The following SCN7A variants were observed in gnomAD, a reference collection of about 807,000 sequenced individuals.
The protein encoded by SCN7A is sodium voltage-gated channel alpha subunit 7.
A neutral mutation model predicts 155.2 loss-of-function variants in SCN7A; 138 were observed. The observed-to-expected ratio is 0.89, with a 90% confidence interval of 0.77 to 1.02. The LOEUF is 1.02. SCN7A is among the 50% of genes least tolerant of loss of function. The pLI is 0.00. For synonymous variants in SCN7A, 693 were observed against 649.0 expected (o/e 1.07, Z -1.03); for missense variants, 2,058 against 1,986.6 (o/e 1.04, Z -0.68).
intron 7 of SCN7A, among the ~76,000 whole-genome samples, chr2:166,466,331 T>TA (rs1702533315): frequency 6.6e-6 from 1 of 152,158 alleles, no homozygotes; most frequent in Admixed American, 6.5e-5. Context: ...TGTAAGGTTA[T>TA]AAATCAAAAT....
chr2:166,423,619 C>A (rs1335242131), intron 18 of SCN7A, among the ~76,000 whole-genome samples, 187 bp from the exon 19 acceptor site: 1 of 151,944 alleles, frequency 6.6e-6, no homozygotes, highest in African/African-American at 2.4e-5. Context: ...TATTATTTGA[C>A]CCCATGCCTA....
At chr2:166,482,826 T>C (rs1702960396) in intron 2 of SCN7A, among the ~76,000 whole-genome samples, 1 of 152,008 alleles carries the variant, frequency 6.6e-6, no homozygotes, top group African/African-American at 2.4e-5. Flanking sequence ...TCTAGATGGT[T>C]GAGTGCAGAC....
At chr2:166,474,150 G>A in intron 4 of SCN7A, 76 bp downstream of exon 4, 1 of 654,058 alleles carries the variant, frequency 1.5e-6, no homozygotes, top group Non-Finnish European at 2.5e-6. Context: ...AAATACTGCA[G>A]AAATAATTGA....
intron 11 of SCN7A, among the ~76,000 whole-genome samples, chr2:166,453,999 C>A (rs6738638): frequency 0.7 from 106,563 of 152,036 alleles, 37,536 homozygotes; most frequent in African/African-American, 0.77. Flanking sequence ...TATAATTAAA[C>A]ATTTTAATAA....
At chr2:166,483,224 C>T (rs1042170617) in intron 2 of SCN7A, among the ~76,000 whole-genome samples, 1 of 151,886 alleles carries the variant, frequency 6.6e-6, no homozygotes. Flanking sequence ...CTCCTTGAAA[C>T]GAATTTCAAA....
intron 2 of SCN7A, among the ~76,000 whole-genome samples, chr2:166,481,793 T>A (rs796307819): frequency 1.2e-4 from 19 of 152,242 alleles, no homozygotes; most frequent in African/African-American, 4.3e-4. Flanking sequence ...TGGAAAAAAC[T>A]CAAGTACAAT....
intron 2 of SCN7A, among the ~76,000 whole-genome samples, chr2:166,477,915 T>C (rs1702837531): frequency 6.6e-6 from 1 of 152,006 alleles, no homozygotes; most frequent in Non-Finnish European, 1.5e-5. Flanking sequence ...CTCAGTCTGC[T>C]TCACTTATTC....
chr2:166,429,951 ACT>A (rs1701699548), intron 16 of SCN7A, among the ~76,000 whole-genome samples: 1 of 151,810 alleles, frequency 6.6e-6, no homozygotes, highest in Non-Finnish European at 1.5e-5. Context: ...TGCTAATGAT[ACT>A]CTTTGCCTTT....
At chr2:166,470,218 T>C (rs1357360300) in intron 7 of SCN7A, among the ~76,000 whole-genome samples, 2 of 151,830 alleles carry the variant, frequency 1.3e-5, no homozygotes, top group African/African-American at 4.8e-5. Flanking sequence ...TTCATCTTAT[T>C]TTATATTACT....
In SCN7A at chr2:166,405,652, A is replaced by G. The variant is rs777538689; in HGVS notation, c.4977T>C (p.Asp1659=). The change falls in exon 26 of 26, where the codon GAT becomes GAC. Residue 1659 remains aspartate (D), a synonymous_variant. Transcript: ENST00000643258. ...AGGCACCTTCTTTAGTAGCATGAAC[A>G]TCTCTGTCACCATCTATCATATGAA... ...SDIHMIDGDR[D]VHATKEGAYF... is the part of the protein sequence containing the mutation. 2 of 1,612,312 alleles carry G rather than the reference A, an allele frequency of 1.2e-6. No homozygotes were observed. Among genetic ancestry groups the G allele is most frequent in the African/African-American group, 1.3e-5 (1 of 74,812 alleles).
At chr2:166,493,025 T>A (rs779073814) in intron 1 of SCN7A, among the ~76,000 whole-genome samples, 4 of 152,310 alleles carry the variant, frequency 2.6e-5, no homozygotes, top group Non-Finnish European at 5.9e-5. Flanking sequence ...TCCTTATAGG[T>A]CTTACTTGTA....
rs1701042291 is a variant in SCN7A at position 166,405,274 on chromosome 2, T to G, written c.*306A>C. ...GAAAGCCCCTGCTGCTGCTGATCTC[T>G]ATCACCACTTCCCTTCATTCCCTAG... On this transcript the variant is annotated 3_prime_UTR_variant, in exon 26 of 26. Transcript: ENST00000643258. 3.6e-6 allele frequency: 1 copy of G among 274,284 alleles called. No homozygotes were observed. The highest frequency in any genetic ancestry group is 6.7e-6 in the Non-Finnish European group (1 of 149,386). The allele number at this position is 274,284 out of a possible 1,614,324, so 17.0% of individuals were successfully genotyped here. A position where few individuals can be genotyped will look rare whatever the true frequency, so the allele number is the denominator to read the frequency against.
intron 9 of SCN7A, among the ~76,000 whole-genome samples, chr2:166,464,611 T>A (rs776984354): frequency 1.8e-4 from 28 of 152,184 alleles, no homozygotes; most frequent in Non-Finnish European, 3.5e-4. Context: ...TATCAGCGTA[T>A]CTTTTTAATT....
chr2:166,451,007 CTGTGTGACAT>C (rs1230535719), intron 11 of SCN7A, among the ~76,000 whole-genome samples: 1 of 152,072 alleles, frequency 6.6e-6, no homozygotes, highest in Non-Finnish European at 1.5e-5. Flanking sequence ...AAAGATGACA[CTGTGTGACAT>C]ATTGAATAAT....
intron 15 of SCN7A, chr2:166,436,311 A>G (rs923966499): frequency 5.6e-6 from 2 of 357,450 alleles, no homozygotes; most frequent in African/African-American, 4.3e-5. Context: ...GTTAATTCTC[A>G]CAAGATCTGA....
chr2:166,428,076 A>G lies in SCN7A; in HGVS notation c.2699-134T>C, dbSNP rs1418935359. 18 of 978,152 alleles carry G rather than the reference A, an allele frequency of 1.8e-5. No individual in the cohort carries two copies. In the Admixed American group the frequency reaches 4.6e-4, roughly 25 times the overall value. 60.6% of individuals were successfully genotyped at this position (978,152 alleles called of 1,614,324 possible). On this transcript the variant is annotated intron_variant, in intron 17 of 25. Coordinates refer to ENST00000643258, the MANE Select transcript of SCN7A (RefSeq NM_002976.4). ...TCCAGGTTGTCTCTGATTTATAAACATTTAATTTTTACCCATGGTGTAGTG... is the reference window on the plus strand; with the variant it reads ...TCCAGGTTGTCTCTGATTTATAAACGTTTAATTTTTACCCATGGTGTAGTG...
chr2:166,456,648 T>C (rs1408218818), intron 11 of SCN7A, among the ~76,000 whole-genome samples: 4 of 152,022 alleles, frequency 2.6e-5, no homozygotes, highest in Non-Finnish European at 4.4e-5. Flanking sequence ...ATAACAAATG[T>C]TGACACAAGC....
intron 10 of SCN7A, 23 bp downstream of exon 10, chr2:166,462,366 G>A (rs768646644): frequency 6.4e-7 from 1 of 1,570,040 alleles, no homozygotes; most frequent in South Asian, 1.2e-5. Context: ...CCTAAGTACA[G>A]TACAATTTCT....
At chr2:166,409,520 TA>T (rs1279337106) in intron 25 of SCN7A, 144 bp downstream of exon 25, 5 of 595,884 alleles carry the variant, frequency 8.4e-6, no homozygotes, top group South Asian at 5.5e-5. Context: ...CTGTTGAAAA[TA>T]AAAAAAGATC....
Sources: allele counts gnomAD v4.1 joint callset (sites outside exome capture counted in the v4.1 genomes callset), GRCh38; gene constraint gnomAD v4.1.1; transcripts MANE v1.5; gene names NCBI Gene and HGNC (gene_info 2026-07-23, HGNC 2026-07-21).